The following SMARCA5 variants were observed in gnomAD, a reference collection of about 807,000 sequenced individuals.
SMARCA5 encodes the protein SWI/SNF-related matrix-associated actin-dependent regulator of chromatin subfamily A member 5.
Under a neutral mutation model 140.4 loss-of-function variants are expected in SMARCA5, and 18 were observed. The observed-to-expected ratio is 0.13, with a 90% confidence interval of 0.09 to 0.19. SMARCA5 has a LOEUF of 0.19. Among genes scored for constraint, SMARCA5 ranks in the 10% least tolerant of loss-of-function variants. The probability of loss-of-function intolerance (pLI) is 1.00; values close to 1 mark genes in which losing one functional copy is unlikely to be tolerated. For synonymous variants in SMARCA5, 449 were observed against 419.6 expected (o/e 1.07, Z -0.86); for missense variants, 606 against 1,276.8 (o/e 0.47, Z 8.01).
chr4:143,536,618 G>A lies in SMARCA5; in HGVS notation c.1435G>A (p.Val479Ile). 1 of 1,613,826 alleles carries A rather than the reference G, an allele frequency of 6.2e-7. No individual in the cohort carries two copies. Among genetic ancestry groups the A allele is most frequent in the Non-Finnish European group, 8.5e-7 (1 of 1,179,838 alleles). Residue 479 changes from valine to isoleucine, a missense_variant, in exon 11 of 24, where the codon GTA (valine) becomes ATA (isoleucine). Transcript: ENST00000283131. Reference sequence around the variant, plus strand: ...ACCTTATACAACAGATATGCATCTAGTAACCAACAGTGGCAAAATGGTGGT... The same window carrying A: ...ACCTTATACAACAGATATGCATCTAATAACCAACAGTGGCAAAATGGTGGT... ...GPPYTTDMHLVTNSGKMVVLD... is the reference protein window; with the variant it reads ...GPPYTTDMHLITNSGKMVVLD...
At chr4:143,543,451 A>C in intron 14 of SMARCA5, 58 bp from the exon 15 acceptor site, 1 of 1,411,052 alleles carries the variant, frequency 7.1e-7, no homozygotes, top group Non-Finnish European at 9.7e-7. Context: ...TAAAGTTTCA[A>C]GTTTCCAGTA....
intron 9 of SMARCA5, among the ~76,000 whole-genome samples, chr4:143,532,142 G>A (rs982784096): frequency 9.8e-5 from 15 of 152,300 alleles, no homozygotes; most frequent in African/African-American, 3.6e-4. Flanking sequence ...TCATTATAAA[G>A]TACTTTAAAA....
intron 9 of SMARCA5, among the ~76,000 whole-genome samples, chr4:143,534,485 CATT>C (rs574522506): frequency 6.6e-5 from 10 of 152,266 alleles, no homozygotes; most frequent in Admixed American, 1.3e-4. Context: ...TTTTCCTTGT[CATT>C]ATTCCCTAAA....
Position 143,555,371 on chromosome 4 carries a change from C to A in SMARCA5, c.*2187C>A, listed in dbSNP as rs916253134. On this transcript the variant is annotated 3_prime_UTR_variant, in exon 24 of 24. Transcript: ENST00000283131. ...ATCCCCACTGCCACCATATCCATCA[C>A]CACCACCATGGCTGCCACCAAAGCC... 4.3e-6 allele frequency: 3 copies of A among 698,928 alleles called. No individual in the cohort carries two copies. Among genetic ancestry groups the A allele is most frequent in the Non-Finnish European group, 8.0e-6 (3 of 377,184 alleles). The allele number at this position is 698,928 out of a possible 1,614,324, so 43.3% of individuals were successfully genotyped here.
intron 23 of SMARCA5, among the ~76,000 whole-genome samples, chr4:143,552,895 C>T (rs986457792): frequency 2.0e-5 from 3 of 150,652 alleles, no homozygotes; most frequent in Admixed American, 6.7e-5. Context: ...AGTTTTATAA[C>T]GTCATTATTA....
intron 10 of SMARCA5, among the ~76,000 whole-genome samples, chr4:143,536,089 T>C (rs1005605252): frequency 6.6e-6 from 1 of 152,190 alleles, no homozygotes; most frequent in Non-Finnish European, 1.5e-5. Flanking sequence ...GCACTTTCTG[T>C]TGCAAAAAAA....
chr4:143,546,445 C>T (rs1047712895), intron 19 of SMARCA5, among the ~76,000 whole-genome samples: 1 of 151,950 alleles, frequency 6.6e-6, no homozygotes, highest in Non-Finnish European at 1.5e-5. Flanking sequence ...CTTCATTTTC[C>T]TTCCATTTTT....
chr4:143,518,214 G>GT (rs145306666), intron 2 of SMARCA5, among the ~76,000 whole-genome samples: 36 of 152,180 alleles, frequency 2.4e-4, no homozygotes, highest in African/African-American at 8.4e-4. Flanking sequence ...TTCACGTTCC[G>GT]TATCTTCTAA....
At chr4:143,517,452 G>C in intron 2 of SMARCA5, 23 bp downstream of exon 2, 1 of 1,492,508 alleles carries the variant, frequency 6.7e-7, no homozygotes, top group Non-Finnish European at 9.1e-7. Flanking sequence ...CTTGTGAATA[G>C]AGTCTATAAG....
At chr4:143,536,042 C>G (rs1309430036) in intron 10 of SMARCA5, among the ~76,000 whole-genome samples, 1 of 152,090 alleles carries the variant, frequency 6.6e-6, no homozygotes, top group Admixed American at 6.5e-5. Flanking sequence ...TACCTAAATG[C>G]TACACTAGCT....
In SMARCA5 at chr4:143,536,502, A is replaced by G. The variant is rs895789960; in HGVS notation, c.1319A>G (p.Lys440Arg). ...ATAGATATACTCAACTCAGCAGGCA[A>G]GATGGACAAAATGAGGTTATTGAAC... The part of the protein sequence containing the change: ...KDIDILNSAG[K>R]MDKMRLLNIL... Residue 440 changes from lysine to arginine, a missense_variant, in exon 11 of 24, where the codon AAG becomes AGG. Around this residue, in one of 10 missense-constraint regions of SMARCA5, gnomAD observed 25 missense variants for 108.7 expected, o/e 0.23. Coordinates refer to ENST00000283131, the MANE Select transcript of SMARCA5 (RefSeq NM_003601.4). 29 of 1,613,894 alleles carry G rather than the reference A, an allele frequency of 1.8e-5. No homozygotes were observed. The highest frequency in any genetic ancestry group is 2.2e-5 in the Non-Finnish European group (26 of 1,179,818).
chr4:143,515,645 C>T (rs1230791270), intron 1 of SMARCA5, among the ~76,000 whole-genome samples: 1 of 152,074 alleles, frequency 6.6e-6, no homozygotes, highest in Non-Finnish European at 1.5e-5. Flanking sequence ...ACATTTTTGA[C>T]TTGAAGTTGC....
intron 9 of SMARCA5, among the ~76,000 whole-genome samples, chr4:143,531,625 C>G (rs1403412910): frequency 6.6e-6 from 1 of 152,166 alleles, no homozygotes; most frequent in Non-Finnish European, 1.5e-5. Flanking sequence ...CCAAAAATTT[C>G]TCTAGACATT....
intron 7 of SMARCA5, 35 bp from the exon 8 acceptor site, chr4:143,528,548 A>C: frequency 1.3e-6 from 2 of 1,592,384 alleles, no homozygotes; most frequent in Non-Finnish European, 1.7e-6. Context: ...AATATGCAGA[A>C]TATTCTAATG....
intron 22 of SMARCA5, 71 bp from the exon 23 acceptor site, chr4:143,549,926 C>A (rs1737609809): frequency 6.4e-6 from 5 of 776,552 alleles, no homozygotes; most frequent in Admixed American, 4.8e-5. Context: ...TTAAAACATA[C>A]CTTGTTTTAA....
rs1449191315 is a variant in SMARCA5, at chr4:143,556,804, A to G, written c.*3620A>G. On this transcript the variant is annotated 3_prime_UTR_variant, in exon 24 of 24. Transcript: ENST00000283131. The stretch of plus-strand genomic sequence containing the variant: ...ATCCCAGAATCGTTTTGGATCTGTT[A>G]AGGTTTTTATTAGAATGATTAAATA... 6.6e-6 allele frequency: 1 copy of G among 152,190 alleles called. No homozygotes were observed. Among genetic ancestry groups the G allele is most frequent in the Non-Finnish European group, 1.5e-5 (1 of 68,028 alleles). 9.4% of individuals were successfully genotyped at this position (152,190 alleles called of 1,614,324 possible).
chr4:143,518,527 A>G (rs979432733), intron 2 of SMARCA5, among the ~76,000 whole-genome samples: 8 of 152,142 alleles, frequency 5.3e-5, no homozygotes, highest in African/African-American at 1.7e-4. Context: ...CAGATCTTAC[A>G]TATTTTTTAA....
intron 16 of SMARCA5, among the ~76,000 whole-genome samples, 154 bp from the exon 17 acceptor site, chr4:143,544,583 A>G (rs1578803840): frequency 6.6e-6 from 1 of 152,220 alleles, no homozygotes; most frequent in Non-Finnish European, 1.5e-5. Flanking sequence ...AATTATATAC[A>G]TAATATTGAG....
intron 9 of SMARCA5, 70 bp downstream of exon 9, chr4:143,530,596 T>G: frequency 9.6e-7 from 1 of 1,044,818 alleles, no homozygotes; most frequent in Non-Finnish European, 1.4e-6. Flanking sequence ...AATTAGTAGA[T>G]TATTTTCCTG....
Sources: allele counts gnomAD v4.1 joint callset (sites outside exome capture counted in the v4.1 genomes callset), GRCh38; gene constraint gnomAD v4.1.1; regional missense constraint gnomAD v4.1.1; transcripts MANE v1.5; gene names NCBI Gene and HGNC (gene_info 2026-07-23, HGNC 2026-07-21).